ZNF135: variants seen among roughly 807,000 people sequenced by gnomAD.
ZNF135 encodes the protein zinc finger protein 135.
Under a neutral mutation model 12.3 loss-of-function variants are expected in ZNF135, and 11 were observed. The observed-to-expected ratio is 0.89, with a 90% confidence interval of 0.56 to 1.48. The LOEUF is 1.48. Ranked by LOEUF, ZNF135 falls within the 40% of genes most tolerant of loss-of-function variation. ZNF135 has a pLI of 0.00. For synonymous variants in ZNF135, 316 were observed against 312.0 expected, an observed-to-expected ratio of 1.01 and a Z score of -0.14; for missense variants, 722 against 815.7, an observed-to-expected ratio of 0.89 and a Z score of 1.40.
chr19:58,060,079 C>T lies in ZNF135; in HGVS notation c.33+44C>T, dbSNP rs763302023. ...TTGCGCGTGTCCTCCACCTCGTGCCCGGCCTCCTCGCGCGCGGCCTTCTCA... is the reference window on the plus strand; with the variant it reads ...TTGCGCGTGTCCTCCACCTCGTGCCTGGCCTCCTCGCGCGCGGCCTTCTCA... On this transcript the variant is annotated intron_variant, in intron 2 of 4. Transcript: ENST00000313434. This position sits in a 1 kb window ranked among gnomAD's most constrained non-coding sequence, Gnocchi z 4.9. 1.9e-6 allele frequency: 3 copies of T among 1,611,220 alleles called. No individual in the cohort carries two copies. The highest frequency in any genetic ancestry group is 2.2e-5 in the East Asian group (1 of 44,858).
At chr19:58,061,510 T>G in intron 2 of ZNF135, 70 bp from the exon 3 acceptor site, 1 of 1,549,624 alleles carries the variant, frequency 6.5e-7, no homozygotes, top group Non-Finnish European at 8.7e-7. Context: ...CTGGCTGGCA[T>G]TTACCAGCTA....
In ZNF135 at chr19:58,059,967, A is replaced by C. The variant is rs745603762; in HGVS notation, c.-34-2A>C. The C allele has an allele frequency of 5.0e-6, 8 of 1,612,588 alleles. No individual in the cohort carries two copies. In the Admixed American group the frequency reaches 1.3e-4, roughly 27 times the overall value. ...CAGCTGCTCACCTCCCCTTTCCCAC[A>C]GAGCAGGGCCAGCCGTTCCTGCCAG... On this transcript the variant is annotated splice_acceptor_variant, in intron 1 of 4. Coordinates refer to ENST00000313434, the MANE Select transcript of ZNF135 (RefSeq NM_001289401.2). LOFTEE classifies it low-confidence loss of function (5UTR_SPLICE). The surrounding 1 kb of genome is among the most constrained non-coding windows in gnomAD (Gnocchi z 6.5).
At chr19:58,066,096 G>A (rs550051607) in intron 4 of ZNF135, among the ~76,000 whole-genome samples, 2 of 152,250 alleles carry the variant, frequency 1.3e-5, no homozygotes, top group South Asian at 4.1e-4. Context: ...ACCCTCAAGG[G>A]GTTCCCAGTT....
chr19:58,059,337 G>T lies in ZNF135; in HGVS notation c.-35+27G>T. 6.6e-7 allele frequency: 1 copy of T among 1,506,628 alleles called. No individual in the cohort carries two copies. Among genetic ancestry groups the T allele is most frequent in the South Asian group, 1.2e-5 (1 of 81,182 alleles). 93.3% of individuals were successfully genotyped at this position (1,506,628 alleles called of 1,614,324 possible). A position where few individuals can be genotyped will look rare whatever the true frequency, so the allele number is the denominator to read the frequency against. ...TGAGCTAGGCCGGCGAGGAGGGGGA[G>T]GGGAGGCCAGGCCGGGCCGGGCCGG... On this transcript the variant is annotated intron_variant, in intron 1 of 4. Transcript: ENST00000313434. This position sits in a 1 kb window ranked among gnomAD's most constrained non-coding sequence, Gnocchi z 6.5.
chr19:58,060,600 C>T lies in ZNF135; in HGVS notation c.33+565C>T, dbSNP rs980334780. Among the ~76,000 whole-genome samples, 15 of 152,154 alleles carry T rather than the reference C, an allele frequency of 9.9e-5. No homozygotes were observed. The highest frequency in any genetic ancestry group is 1.8e-4 in the Non-Finnish European group (12 of 68,032). On this transcript the variant is annotated intron_variant, in intron 2 of 4. Transcript: ENST00000313434. This position sits in a 1 kb window ranked among gnomAD's most constrained non-coding sequence, Gnocchi z 4.9. ...TCATGGAGGCCAAGGGGGCGGAACT[C>T]GCCTTTTTATGATGACATTAACCCC...
At position 58,067,042 on chromosome 19, in the gene ZNF135, C is replaced by T; in HGVS notation, c.558C>T (p.Ser186=). 6.2e-7 allele frequency: 1 copy of T among 1,614,142 alleles called. No individual in the cohort carries two copies. Among genetic ancestry groups the T allele is most frequent in the Non-Finnish European group, 8.5e-7 (1 of 1,180,032 alleles). ...AACCAATGACTCCTGAAAGACAAAG[C>T]CCCCACACATGGGGAACACGTGGAA... ...PHQPMTPERQ[S]PHTWGTRGKR... The change falls in exon 5 of 5, where the codon AGC becomes AGT. Residue 186 remains serine (S), a synonymous_variant. Transcript: ENST00000313434.
At position 58,059,355 on chromosome 19, in the gene ZNF135, C is replaced by CGGGCG. The variant is rs1488071349; in HGVS notation, c.-35+49_-35+50insGGGGC. The CGGGCG allele has an allele frequency of 6.5e-6, 5 of 766,728 alleles. No individual in the cohort carries two copies. Among genetic ancestry groups the CGGGCG allele is most frequent in the African/African-American group, 2.4e-5 (1 of 41,014 alleles). 47.5% of individuals were successfully genotyped at this position (766,728 alleles called of 1,614,324 possible). ...AGGGGGAGGGGAGGCCAGGCCGGGC[C>CGGGCG]GGGCCGGGCCGGGTGCGGGGGGTCC... On this transcript the variant is annotated intron_variant, in intron 1 of 4. Coordinates refer to ENST00000313434, the MANE Select transcript of ZNF135 (RefSeq NM_001289401.2). The surrounding 1 kb of genome is among the most constrained non-coding windows in gnomAD (Gnocchi z 6.5).
rs1037997758 is a variant in ZNF135, at chr19:58,063,134, T to C, written c.161-312T>C. On this transcript the variant is annotated intron_variant, in intron 3 of 4. Coordinates refer to ENST00000313434, the MANE Select transcript of ZNF135 (RefSeq NM_001289401.2). The surrounding 1 kb of genome is among the most constrained non-coding windows in gnomAD (Gnocchi z 4.4). ...ACCAGCAGAAAAGACAGGATCTGTG[T>C]CCCAGGGTTGTCCTGGTTTGGCTGC... is the stretch of plus-strand genomic sequence containing the variant. Among the ~76,000 whole-genome samples the C allele has an allele frequency of 1.3e-5, 2 of 152,212 alleles. No individual in the cohort carries two copies. Among genetic ancestry groups the C allele is most frequent in the Non-Finnish European group, 2.9e-5 (2 of 68,036 alleles).
chr19:58,060,347 A>G lies in ZNF135; in HGVS notation c.33+312A>G. 1 of 1,302,982 alleles carries G rather than the reference A, an allele frequency of 7.7e-7. No individual in the cohort carries two copies. Among genetic ancestry groups the G allele is most frequent in the Non-Finnish European group, 9.8e-7 (1 of 1,020,082 alleles). 80.7% of individuals were successfully genotyped at this position (1,302,982 alleles called of 1,614,324 possible). ...ACCCGGCCTCCTAAAGTCCGCGCCA[A>G]GCTCCCCAACCACAGCCTGCCTCTG... is the stretch of plus-strand genomic sequence containing the variant. On this transcript the variant is annotated intron_variant, in intron 2 of 4. Coordinates refer to ENST00000313434, the MANE Select transcript of ZNF135 (RefSeq NM_001289401.2). The surrounding 1 kb of genome is among the most constrained non-coding windows in gnomAD (Gnocchi z 4.9).
At chr19:58,061,756 C>T in intron 3 of ZNF135, 50 bp downstream of exon 3, 1 of 1,552,590 alleles carries the variant, frequency 6.4e-7, no homozygotes, top group Admixed American at 2.1e-5. Context: ...GACACGGATT[C>T]TGATTCTACC....
At position 58,060,152 on chromosome 19, in the gene ZNF135, T is replaced by TC. The variant is rs1246167799; in HGVS notation, c.33+119dup. On this transcript the variant is annotated intron_variant, in intron 2 of 4. Coordinates refer to ENST00000313434, the MANE Select transcript of ZNF135 (RefSeq NM_001289401.2). This position sits in a 1 kb window ranked among gnomAD's most constrained non-coding sequence, Gnocchi z 4.9. ...CCGTCCCTACTCGCGCTCAGCCTCC[T>TC]CCTTGTGCCCGGCCCCTACTTGCGT... 2.6e-6 allele frequency: 4 copies of TC among 1,565,630 alleles called. No individual in the cohort carries two copies. Among genetic ancestry groups the TC allele is most frequent in the Non-Finnish European group, 2.6e-6 (3 of 1,162,420 alleles).
intron 3 of ZNF135, among the ~76,000 whole-genome samples, chr19:58,061,958 C>G (rs2073989303): frequency 6.6e-6 from 1 of 152,196 alleles, no homozygotes; most frequent in African/African-American, 2.4e-5. Context: ...CTGAAGACTA[C>G]AGAATCCCAG....
chr19:58,063,501 G>A lies in ZNF135; in HGVS notation c.216G>A (p.Leu72=), dbSNP rs771035425. ...CCCTGCTGGAGCAAGAGGCAGAGCT[G>A]TGGGCGGTGGAGTCTAGACTTCCCC... The part of the protein sequence containing the change: ...VISLLEQEAE[L]WAVESRLPQG... Residue 72 remains leucine (L), a synonymous_variant, in exon 4 of 5, where the codon CTG becomes CTA. Coordinates refer to ENST00000313434, the MANE Select transcript of ZNF135 (RefSeq NM_001289401.2). The surrounding 1 kb of genome is among the most constrained non-coding windows in gnomAD (Gnocchi z 4.4). 5.0e-6 allele frequency: 8 copies of A among 1,614,038 alleles called. No homozygotes were observed. Among genetic ancestry groups the A allele is most frequent in the Middle Eastern group, 1.6e-4 (1 of 6,082 alleles).
At position 58,063,583 on chromosome 19, in the gene ZNF135, G is replaced by T; in HGVS notation, c.256+42G>T. On this transcript the variant is annotated intron_variant, in intron 4 of 4. Transcript: ENST00000313434. This position sits in a 1 kb window ranked among gnomAD's most constrained non-coding sequence, Gnocchi z 4.4. ...TCGGGGCAGAGAGAAGCCTGTCCAT[G>T]CTTGCTTCCTGGTTTCTCCCTCTGC... 1 of 1,611,830 alleles carries T rather than the reference G, an allele frequency of 6.2e-7. No homozygotes were observed.
In ZNF135 at chr19:58,059,332, G is replaced by A. The variant is rs756552892; in HGVS notation, c.-35+22G>A. 3.3e-6 allele frequency: 5 copies of A among 1,521,936 alleles called. No homozygotes were observed. The highest frequency in any genetic ancestry group is 1.2e-5 in the South Asian group (1 of 83,288). 94.3% of individuals were successfully genotyped at this position (1,521,936 alleles called of 1,614,324 possible). A position where few individuals can be genotyped will look rare whatever the true frequency, so the allele number is the denominator to read the frequency against. ...GAGGGTGAGCTAGGCCGGCGAGGAGGGGGAGGGGAGGCCAGGCCGGGCCGG... is the reference window on the plus strand; with the variant it reads ...GAGGGTGAGCTAGGCCGGCGAGGAGAGGGAGGGGAGGCCAGGCCGGGCCGG... On this transcript the variant is annotated intron_variant, in intron 1 of 4. Transcript: ENST00000313434. This position sits in a 1 kb window ranked among gnomAD's most constrained non-coding sequence, Gnocchi z 6.5.
chr19:58,061,740 G>A, intron 3 of ZNF135, 34 bp downstream of exon 3: 1 of 1,575,812 alleles, frequency 6.3e-7, no homozygotes, highest in South Asian at 1.2e-5. Context: ...CTGTTGATCT[G>A]TCCCTGACAC....
chr19:58,069,375 C>T lies in ZNF135; in HGVS notation c.*914C>T, dbSNP rs773309403. 4 of 152,096 alleles carry T rather than the reference C, an allele frequency of 2.6e-5. No homozygotes were observed. Among genetic ancestry groups the T allele is most frequent in the Non-Finnish European group, 4.4e-5 (3 of 68,022 alleles). The allele number at this position is 152,096 out of a possible 1,614,324, so 9.4% of individuals were successfully genotyped here. A position where few individuals can be genotyped will look rare whatever the true frequency, so the allele number is the denominator to read the frequency against. On this transcript the variant is annotated 3_prime_UTR_variant, in exon 5 of 5. Coordinates refer to ENST00000313434, the MANE Select transcript of ZNF135 (RefSeq NM_001289401.2). ...GGAGATTTTTCCTTTGTTAAACCAT[C>T]GTCTTATAAGCAATAGCAAATTCAT...
At position 58,067,952 on chromosome 19, in the gene ZNF135, G is replaced by A. The variant is rs750577823; in HGVS notation, c.1468G>A (p.Gly490Arg). The A allele has an allele frequency of 1.9e-6, 3 of 1,613,730 alleles. No individual in the cohort carries two copies. The highest frequency in any genetic ancestry group is 2.5e-6 in the Non-Finnish European group (3 of 1,179,960). ...HLTQHQRIHT[G>R]EKPYECNDCG... ...CACCCAACACCAGCGAATCCACACA[G>A]GGGAGAAGCCCTATGAATGCAATGA... Residue 490 changes from glycine to arginine, a missense_variant, in exon 5 of 5, where the codon GGG becomes AGG. Gly to Arg is a moderately radical substitution (Grantham distance 125). Transcript: ENST00000313434.
Position 58,061,615 on chromosome 19 carries a change from C to T in ZNF135, c.69C>T (p.Phe23=). 4 of 1,613,530 alleles carry T rather than the reference C, an allele frequency of 2.5e-6. No individual in the cohort carries two copies. Among genetic ancestry groups the T allele is most frequent in the Non-Finnish European group, 3.4e-6 (4 of 1,179,764 alleles). ...QVTFEDVVVG[F]SQEEWGQLKP... ...CGTTTGAGGACGTGGTAGTGGGCTT[C>T]AGCCAGGAGGAGTGGGGGCAGCTGA... The change falls in exon 3 of 5, where the codon TTC becomes TTT. Residue 23 remains phenylalanine, a synonymous_variant. Coordinates refer to ENST00000313434, the MANE Select transcript of ZNF135 (RefSeq NM_001289401.2).
Sources: allele counts gnomAD v4.1 joint callset (sites outside exome capture counted in the v4.1 genomes callset), GRCh38; gene constraint gnomAD v4.1.1; non-coding constraint Gnocchi (gnomAD v3.1); transcripts MANE v1.5; gene names NCBI Gene and HGNC (gene_info 2026-07-23, HGNC 2026-07-21).